The following GSN variants were observed in gnomAD, a reference collection of about 807,000 sequenced individuals.
GSN encodes the protein actin-depolymerizing factor.
A neutral mutation model predicts 85.7 loss-of-function variants in GSN; 56 were observed. The observed-to-expected ratio is 0.65, with a 90% CI of 0.53 to 0.82. The LOEUF (loss-of-function observed/expected upper bound fraction) is 0.82. Among genes scored for constraint, GSN ranks in the 40% least tolerant of loss-of-function variants. GSN has a pLI of 0.00. For synonymous variants in GSN, 373 were observed against 399.1 expected, an observed-to-expected ratio of 0.93 and a Z score of 0.78; for missense variants, 857 against 979.8, an observed-to-expected ratio of 0.87 and a Z score of 1.67.
intron 1 of GSN, among the ~76,000 whole-genome samples, chr9:121,271,836 G>C (rs2132389752): frequency 6.6e-6 from 1 of 152,330 alleles, no homozygotes; most frequent in Admixed American, 6.5e-5. Context: ...AAGGACACAG[G>C]ACTTGCCCAG....
chr9:121,272,379 G>A (rs1364511572), intron 1 of GSN, among the ~76,000 whole-genome samples: 2 of 152,220 alleles, frequency 1.3e-5, no homozygotes, highest in African/African-American at 4.8e-5. Flanking sequence ...TTGGGCTAAT[G>A]CATGCCTTTC....
At chr9:121,304,171 T>TAAC in intron 4 of GSN, among the ~76,000 whole-genome samples, 1 of 152,342 alleles carries the variant, frequency 6.6e-6, no homozygotes, top group East Asian at 1.9e-4. Context: ...TGACCTTGTC[T>TAAC]GCCCTGGTGA....
chr9:121,322,886 A>G (rs1481890785), intron 11 of GSN, among the ~76,000 whole-genome samples: 1 of 148,478 alleles, frequency 6.7e-6, no homozygotes, highest in Non-Finnish European at 1.5e-5. Flanking sequence ...GCTGTAGTGC[A>G]GTGGTACGAT....
intron 2 of GSN, chr9:121,283,682 CATTCAT>C (rs2057701919): frequency 1.8e-5 from 3 of 166,568 alleles, no homozygotes; most frequent in African/African-American, 7.3e-5. Context: ...TTCATTCATT[CATTCAT>C]TCATTCATTC....
At chr9:121,214,637 A>T (rs1588406635) in intron 4 of GSN, among the ~76,000 whole-genome samples, 1 of 152,368 alleles carries the variant, frequency 6.6e-6, no homozygotes, top group African/African-American at 2.4e-5. Context: ...AGCAGATAGC[A>T]TTCCCAGGAA....
rs549231244 is a variant in GSN at position 121,257,456 on chromosome 9, G to A, written c.-340-7698G>A. ...GGAATTTTCAGAGCCAGGCTTCCAC[G>A]AAGGTATGTGACCCCTGAAACCTGT... is the stretch of plus-strand genomic sequence containing the variant. On this transcript the variant is annotated intron_variant, in intron 6 of 24. Transcript: ENST00000373823. 1.6e-3 allele frequency among the ~76,000 whole-genome samples: 238 copies of A among 152,284 alleles called. 1 individual carries two copies. The highest frequency in any genetic ancestry group is 5.2e-3 in the African/African-American group (217 of 41,550).
intron 7 of GSN, 45 bp from the exon 8 acceptor site, chr9:121,317,041 G>A (rs759423527): frequency 4.3e-6 from 7 of 1,612,980 alleles, no homozygotes; most frequent in Non-Finnish European, 5.9e-6. Flanking sequence ...GGGCTGGGCG[G>A]CCACAGACAC....
chr9:121,255,389 C>T (rs936009787), intron 6 of GSN, among the ~76,000 whole-genome samples: 8 of 152,162 alleles, frequency 5.3e-5, no homozygotes, highest in African/African-American at 1.4e-4. Context: ...GCGTGCGCCA[C>T]GATGCCTGGC....
chr9:121,328,977 C>T lies in GSN; in HGVS notation c.1849C>T (p.Arg617Cys), dbSNP rs1180128559. Reference sequence around the variant, plus strand: ...CAAGAAGATGGATGCCCATCCTCCTCGCCTCTTTGCCTGCTCCAACAAGAT... The same window carrying T: ...CAAGAAGATGGATGCCCATCCTCCTTGCCTCTTTGCCTGCTCCAACAAGAT... ...KDKKMDAHPP[R>C]LFACSNKIGR... Residue 617 changes from arginine (R) to cysteine (C), a missense_variant, in exon 15 of 18, where the codon CGC (arginine) becomes TGC (cysteine). Transcript: ENST00000432226. 6.8e-6 allele frequency: 11 copies of T among 1,613,870 alleles called. No homozygotes were observed. In the African/African-American group the frequency reaches 1.2e-4, roughly 18 times the overall value.
intron 4 of GSN, among the ~76,000 whole-genome samples, chr9:121,213,514 T>G (rs2054004734): frequency 6.6e-6 from 1 of 152,174 alleles, no homozygotes; most frequent in African/African-American, 2.4e-5. Context: ...CTCAGTCTCT[T>G]TGTTAGTTCC....
chr9:121,245,438 C>A (rs1187801513), intron 5 of GSN, among the ~76,000 whole-genome samples: 8 of 152,126 alleles, frequency 5.3e-5, no homozygotes, highest in African/African-American at 1.2e-4. Flanking sequence ...CTCACTGCAG[C>A]CTTGACCTCC....
At position 121,332,604 on chromosome 9, in the gene GSN, G is replaced by C; in HGVS notation, c.*1G>C. On this transcript the variant is annotated 3_prime_UTR_variant, in exon 18 of 18. Coordinates refer to ENST00000432226, the MANE Select transcript of GSN (RefSeq NM_198252.3). The surrounding 1 kb of genome is among the most constrained non-coding windows in gnomAD (Gnocchi z 4.8). ...GGCCATGGCTGAGCTGGCTGCCTGA[G>C]GAGGGGCAGGGCCCACCCATGTCAC... The C allele has an allele frequency of 6.2e-7, 1 of 1,612,222 alleles. No homozygotes were observed. Among genetic ancestry groups the C allele is most frequent in the Non-Finnish European group, 8.5e-7 (1 of 1,179,104 alleles).
At chr9:121,302,745 C>T (rs1194704804) in intron 3 of GSN, among the ~76,000 whole-genome samples, 166 bp from the exon 4 acceptor site, 3 of 152,146 alleles carry the variant, frequency 2.0e-5, no homozygotes, top group Admixed American at 6.6e-5. Context: ...TGAGGTCCAT[C>T]GTCCTGTTAT....
intron 2 of GSN, among the ~76,000 whole-genome samples, chr9:121,292,931 T>C (rs939054014): frequency 1.3e-5 from 2 of 152,228 alleles, no homozygotes; most frequent in African/African-American, 4.8e-5. Context: ...TCGTCTCAAC[T>C]AGCCTTCAAG....
Position 121,332,320 on chromosome 9 carries a change from C to T in GSN, c.2027-114C>T, listed in dbSNP as rs1444324818. On this transcript the variant is annotated intron_variant, in intron 17 of 17. Coordinates refer to ENST00000432226, the MANE Select transcript of GSN (RefSeq NM_198252.3). This position sits in a 1 kb window ranked among gnomAD's most constrained non-coding sequence, Gnocchi z 4.8. ...CAGGGCAGGGGGTGGGCAGTAGGGA[C>T]AGTAGGACCATAGACCCTCTTCTTT... The T allele has an allele frequency of 1.0e-5, 10 of 971,188 alleles. No homozygotes were observed. The African/African-American group carries it at 1.4e-4, about 14-fold the overall frequency. The allele number at this position is 971,188 out of a possible 1,614,324, so 60.2% of individuals were successfully genotyped here.
intron 7 of GSN, among the ~76,000 whole-genome samples, chr9:121,315,372 C>T (rs1325724616): frequency 2.0e-5 from 3 of 152,150 alleles, no homozygotes; most frequent in Non-Finnish European, 2.9e-5. Flanking sequence ...CAGACAGTCC[C>T]TCTTGGTGCA....
intron 2 of GSN, among the ~76,000 whole-genome samples, chr9:121,298,662 G>T (rs1259847258): frequency 6.6e-6 from 1 of 152,210 alleles, no homozygotes; most frequent in Non-Finnish European, 1.5e-5. Flanking sequence ...ATGCACAGTG[G>T]AGGTGGGAAT....
intron 11 of GSN, among the ~76,000 whole-genome samples, chr9:121,324,322 A>G (rs1432824872): frequency 1.3e-5 from 2 of 152,220 alleles, no homozygotes; most frequent in Non-Finnish European, 2.9e-5. Flanking sequence ...CACATTTAGC[A>G]TAAGGAAATC....
Position 121,327,296 on chromosome 9 carries a change from G to C in GSN, c.1588-12G>C. 6.2e-7 allele frequency: 1 copy of C among 1,611,912 alleles called. No individual in the cohort carries two copies. On this transcript the variant is annotated splice_polypyrimidine_tract_variant and intron_variant, in intron 13 of 17. Transcript: ENST00000432226. Reference sequence around the variant, plus strand: ...TGTCTGGTTCCTGATTAACCAAGCTGTACCCTCCCAGGTATTGCCTAAGGC... The same window carrying C: ...TGTCTGGTTCCTGATTAACCAAGCTCTACCCTCCCAGGTATTGCCTAAGGC...
Sources: allele counts gnomAD v4.1 joint callset (sites outside exome capture counted in the v4.1 genomes callset), GRCh38; gene constraint gnomAD v4.1.1; non-coding constraint Gnocchi (gnomAD v3.1); transcripts MANE v1.5; gene names NCBI Gene and HGNC (gene_info 2026-07-23, HGNC 2026-07-21).